The following IMPACT variants were observed in gnomAD, a reference collection of about 807,000 sequenced individuals.
IMPACT encodes protein IMPACT.
In IMPACT, 35 loss-of-function variants were observed where a neutral mutation model predicts 47.5. That is an observed-to-expected ratio of 0.74 (90% CI 0.56 to 0.98). The LOEUF (loss-of-function observed/expected upper bound fraction) is 0.98, where lower values mean the gene tolerates loss of function less well. Ranked by LOEUF, IMPACT falls within the 50% of genes least tolerant of loss-of-function variation. The pLI, the probability that IMPACT is intolerant of heterozygous loss-of-function variation, is 0.00. For synonymous variants in IMPACT, 118 were observed against 125.6 expected (o/e 0.94, Z 0.40); for missense variants, 373 against 394.8 (o/e 0.94, Z 0.47).
rs1908990246 is a variant in IMPACT at position 24,437,937 on chromosome 18, C to T, written c.282-18C>T. ...TTTTTGAAATAACAATTTTTTTTTT[C>T]CCCTGAATTTTGTTTAGTCAGAATA... On this transcript the variant is annotated intron_variant, in intron 4 of 10. Transcript: ENST00000284202. The T allele has an allele frequency of 6.5e-6, 8 of 1,236,360 alleles. No homozygotes were observed. Among genetic ancestry groups the T allele is most frequent in the South Asian group, 4.0e-5 (3 of 75,924 alleles). The allele number at this position is 1,236,360 out of a possible 1,614,324, so 76.6% of individuals were successfully genotyped here.
At chr18:24,426,901 C>T (rs2144327488) in intron 1 of IMPACT, 109 bp downstream of exon 1, 3 of 713,746 alleles carry the variant, frequency 4.2e-6, no homozygotes, top group South Asian at 1.4e-4. Context: ...CCGGGTTCCG[C>T]CAGCACTGGC....
chr18:24,426,765 G>T lies in IMPACT; in HGVS notation c.9G>T (p.Glu3Asp). 1 of 1,242,608 alleles carries T rather than the reference G, an allele frequency of 8.0e-7. No individual in the cohort carries two copies. Among genetic ancestry groups the T allele is most frequent in the Non-Finnish European group, 1.0e-6 (1 of 990,556 alleles). The allele number at this position is 1,242,608 out of a possible 1,614,324, so 77.0% of individuals were successfully genotyped here. Reference sequence around the variant, plus strand: ...GCAGGTCCAGGGGCCACATGGCTGAGGGGGACGCAGGGAGCGACCAGAGGC... The same window carrying T: ...GCAGGTCCAGGGGCCACATGGCTGATGGGGACGCAGGGAGCGACCAGAGGC... MA[E>D]GDAGSDQRQN... Residue 3 changes from glutamate (E) to aspartate (D), a missense_variant, in exon 1 of 11, where the codon GAG becomes GAT. Physicochemically the swap from Glu to Asp is conservative, Grantham distance 45. Transcript: ENST00000284202.
chr18:24,452,913 A>T lies in IMPACT; in HGVS notation c.*2066A>T, dbSNP rs771827779. 2 of 152,140 alleles carry T rather than the reference A, an allele frequency of 1.3e-5. No homozygotes were observed. The highest frequency in any genetic ancestry group is 2.9e-5 in the Non-Finnish European group (2 of 68,058). The allele number at this position is 152,140 out of a possible 1,614,324, so 9.4% of individuals were successfully genotyped here. A position where few individuals can be genotyped will look rare whatever the true frequency, so the allele number is the denominator to read the frequency against. On this transcript the variant is annotated 3_prime_UTR_variant, in exon 11 of 11. Coordinates refer to ENST00000284202, the MANE Select transcript of IMPACT (RefSeq NM_018439.4). ...GCCTGCCAAGTAGCTGGGATTACAG[A>T]CAGGCATGTGCTATTACACCTGGCT...
chr18:24,448,383 T>C (rs1431345446), intron 9 of IMPACT, among the ~76,000 whole-genome samples, 200 bp downstream of exon 9: 1 of 152,190 alleles, frequency 6.6e-6, no homozygotes, highest in Non-Finnish European at 1.5e-5. Context: ...AAATAATTAA[T>C]AAGAAGTGCT....
chr18:24,445,538 AAAT>A lies in IMPACT; in HGVS notation c.668+78_668+80del, dbSNP rs1213676749. ...GAGGGAAATGATGCATGATTTTAGA[AAAT>A]AATAACTATTGTGTATTTTTTCCAT... On this transcript the variant is annotated intron_variant, in intron 8 of 10. Coordinates refer to ENST00000284202, the MANE Select transcript of IMPACT (RefSeq NM_018439.4). The A allele has an allele frequency of 2.4e-5, 20 of 830,262 alleles. No homozygotes were observed. The African/African-American group carries it at 3.3e-4, about 14-fold the overall frequency. 51.4% of individuals were successfully genotyped at this position (830,262 alleles called of 1,614,324 possible).
chr18:24,441,851 T>C (rs1435048965), intron 6 of IMPACT, among the ~76,000 whole-genome samples: 1 of 152,150 alleles, frequency 6.6e-6, no homozygotes. Flanking sequence ...ATTTGACATA[T>C]GATATCTTTT....
Position 24,427,908 on chromosome 18 carries a change from A to T in IMPACT, c.37-11A>T, listed in dbSNP as rs200786254. The T allele has an allele frequency of 1.3e-6, 2 of 1,594,550 alleles. No homozygotes were observed. Among genetic ancestry groups the T allele is most frequent in the African/African-American group, 2.7e-5 (2 of 73,622 alleles). On this transcript the variant is annotated splice_polypyrimidine_tract_variant and intron_variant, in intron 1 of 10. Coordinates refer to ENST00000284202, the MANE Select transcript of IMPACT (RefSeq NM_018439.4). The stretch of plus-strand genomic sequence containing the variant: ...ACATTTGTTGACTTTTAAAAAATCA[A>T]TTTCTTTCAGAATGAGGAAATTGAA...
intron 4 of IMPACT, among the ~76,000 whole-genome samples, chr18:24,436,734 A>G (rs537741638): frequency 6.6e-5 from 10 of 151,684 alleles, no homozygotes; most frequent in Non-Finnish European, 1.3e-4. Flanking sequence ...TTTTTTTTGT[A>G]GAGATGGGGT....
chr18:24,435,870 A>T (rs902992347), intron 4 of IMPACT, among the ~76,000 whole-genome samples: 1 of 138,658 alleles, frequency 7.2e-6, no homozygotes, highest in African/African-American at 2.5e-5. Context: ...CTGGAAGATA[A>T]GGGCAGTGTC....
In IMPACT at chr18:24,449,875, G is replaced by C. The variant is rs769543053; in HGVS notation, c.816G>C (p.Leu272=). 6.2e-7 allele frequency: 1 copy of C among 1,613,114 alleles called. No homozygotes were observed. Among genetic ancestry groups the C allele is most frequent in the Non-Finnish European group, 8.5e-7 (1 of 1,179,290 alleles). Residue 272 remains leucine, a synonymous_variant, in exon 10 of 11, where the codon CTG becomes CTC. Coordinates refer to ENST00000284202, the MANE Select transcript of IMPACT (RefSeq NM_018439.4). ...TATCACGCTGGTATGGAGGGATTCT[G>C]CTAGGACCAGATCGCTTTAAACATA... ...VVVSRWYGGI[L]LGPDRFKHIN...
rs949920022 is a variant in IMPACT at position 24,451,887 on chromosome 18, C to A, written c.*1040C>A. On this transcript the variant is annotated 3_prime_UTR_variant, in exon 11 of 11. Transcript: ENST00000284202. ...GAAAAACAGAAACAACCCTCCCCCC[C>A]ATTTTTTCCCCTCTATTCATCAAAC... 2.0e-5 allele frequency: 3 copies of A among 152,042 alleles called. No individual in the cohort carries two copies. Among genetic ancestry groups the A allele is most frequent in the African/African-American group, 7.3e-5 (3 of 41,378 alleles). 9.4% of individuals were successfully genotyped at this position (152,042 alleles called of 1,614,324 possible). A position where few individuals can be genotyped will look rare whatever the true frequency, so the allele number is the denominator to read the frequency against.
At chr18:24,439,266 T>A (rs1286363861) in intron 5 of IMPACT, among the ~76,000 whole-genome samples, 2 of 152,134 alleles carry the variant, frequency 1.3e-5, no homozygotes, top group Non-Finnish European at 2.9e-5. Context: ...CACAGTGGCT[T>A]GCACCTATAA....
Position 24,452,531 on chromosome 18 carries a change from A to G in IMPACT, c.*1684A>G, listed in dbSNP as rs983587726. ...GAAACTTACTTTTGCTCCTTTATACAGAATTATTAACTATATTTTACTAAC... is the reference window on the plus strand; with the variant it reads ...GAAACTTACTTTTGCTCCTTTATACGGAATTATTAACTATATTTTACTAAC... On this transcript the variant is annotated 3_prime_UTR_variant, in exon 11 of 11. Transcript: ENST00000284202. 4 of 152,166 alleles carry G rather than the reference A, an allele frequency of 2.6e-5. No homozygotes were observed. The highest frequency in any genetic ancestry group is 9.6e-5 in the African/African-American group (4 of 41,454). The allele number at this position is 152,166 out of a possible 1,614,324, so 9.4% of individuals were successfully genotyped here. A position where few individuals can be genotyped will look rare whatever the true frequency, so the allele number is the denominator to read the frequency against.
intron 7 of IMPACT, among the ~76,000 whole-genome samples, 181 bp from the exon 8 acceptor site, chr18:24,445,212 A>G (rs1423779952): frequency 6.6e-6 from 1 of 152,232 alleles, no homozygotes; most frequent in Non-Finnish European, 1.5e-5. Flanking sequence ...TATACCAATT[A>G]TGAGTACCAG....
At chr18:24,434,860 G>GTA (rs976355454) in intron 4 of IMPACT, among the ~76,000 whole-genome samples, 1 of 130,882 alleles carries the variant, frequency 7.6e-6, no homozygotes, top group Admixed American at 8.1e-5. Context: ...ATATATATGT[G>GTA]TATATATATG....
chr18:24,426,981 G>A, intron 1 of IMPACT, 189 bp downstream of exon 1: 1 of 410,708 alleles, frequency 2.4e-6, no homozygotes, highest in Non-Finnish European at 4.2e-6. Flanking sequence ...TAGGCCGGCG[G>A]CTCCTCGGCG....
At chr18:24,435,758 T>C (rs1389399554) in intron 4 of IMPACT, among the ~76,000 whole-genome samples, 1 of 152,180 alleles carries the variant, frequency 6.6e-6, no homozygotes, top group African/African-American at 2.4e-5. Flanking sequence ...GTTGGGCATA[T>C]TGAGTTATTG....
intron 4 of IMPACT, among the ~76,000 whole-genome samples, chr18:24,432,493 GA>G (rs780861658): frequency 6.6e-6 from 1 of 152,094 alleles, no homozygotes; most frequent in Non-Finnish European, 1.5e-5. Context: ...AGTTGTTGTG[GA>G]ATCCATTCTG....
chr18:24,436,672 C>T (rs1001281427), intron 4 of IMPACT, among the ~76,000 whole-genome samples: 6 of 152,136 alleles, frequency 3.9e-5, no homozygotes, highest in African/African-American at 1.4e-4. Flanking sequence ...CCTCAGCTTC[C>T]TGAGTAGCTG....
Sources: gnomAD v4.1 joint callset for allele counts (sites outside exome capture counted in the v4.1 genomes callset) on GRCh38, gnomAD v4.1.1 for gene constraint, MANE v1.5 for transcripts, NCBI Gene and HGNC (gene_info 2026-07-23, HGNC 2026-07-21) for gene names.